Variants in UNC79 observed in about 807,000 individuals in gnomAD.
UNC79 encodes the protein protein unc-79 homolog.
In UNC79, 37 loss-of-function variants were observed where a neutral mutation model predicts 283.1. The ratio of observed to expected loss-of-function variants is 0.13; its 90% confidence interval spans 0.10 to 0.17. The LOEUF is 0.17. UNC79 is among the 10% of genes least tolerant of loss of function. The pLI, the probability that UNC79 is intolerant of heterozygous loss-of-function variation, is 1.00. For synonymous variants in UNC79, 1,107 were observed against 1,200.2 expected (o/e 0.92, Z 1.61); for missense variants, 2,272 against 3,211.1 (o/e 0.71, Z 7.07).
intron 11 of UNC79, among the ~76,000 whole-genome samples, chr14:93,535,231 G>C (rs958039279): frequency 3.3e-5 from 5 of 152,236 alleles, no homozygotes; most frequent in African/African-American, 4.8e-5. Context: ...AAATGAATGA[G>C]CTGAATCCAC....
chr14:93,545,763 A>G (rs1338366823), intron 14 of UNC79, among the ~76,000 whole-genome samples: 3 of 152,198 alleles, frequency 2.0e-5, no homozygotes, highest in Non-Finnish European at 4.4e-5. Context: ...CACAAACAAC[A>G]TCGATTCACG....
At chr14:93,399,897 G>T (rs887598682) in intron 1 of UNC79, among the ~76,000 whole-genome samples, 15 of 152,230 alleles carry the variant, frequency 9.9e-5, no homozygotes, top group Admixed American at 7.2e-4. Context: ...TGGTTATCTG[G>T]GAAAAGCTTA....
At chr14:93,372,207 G>C (rs973260539) in intron 1 of UNC79, among the ~76,000 whole-genome samples, 4 of 152,012 alleles carry the variant, frequency 2.6e-5, no homozygotes, top group Non-Finnish European at 4.4e-5. Flanking sequence ...CAAAATAATA[G>C]CAACAATGTA....
chr14:93,481,208 T>C (rs1451973300), intron 4 of UNC79, among the ~76,000 whole-genome samples: 1 of 152,188 alleles, frequency 6.6e-6, no homozygotes, highest in Non-Finnish European at 1.5e-5. Flanking sequence ...TCTTTTTAAC[T>C]CCTTCCATAA....
rs529075383 is a variant in UNC79 at position 93,686,389 on chromosome 14, C to G, written c.6820-183C>G. Among the ~76,000 whole-genome samples, 148 of 152,172 alleles carry G rather than the reference C, an allele frequency of 9.7e-4. 3 individuals carry two copies. The highest frequency in any genetic ancestry group is 3.8e-4 in the Non-Finnish European group (26 of 67,996). ...TGTTTCTTTGTTCTCTGCCACAAAC[C>G]TTCTATCAATTTTTGTCCAAATGCT... On this transcript the variant is annotated intron_variant, in intron 42 of 48. Transcript: ENST00000555664.
At chr14:93,356,514 T>A (rs2054089498) in intron 1 of UNC79, among the ~76,000 whole-genome samples, 2 of 152,258 alleles carry the variant, frequency 1.3e-5, no homozygotes, top group Admixed American at 6.5e-5. Context: ...AATTGCCGAA[T>A]GCAGGGCTCT....
At chr14:93,423,062 C>CAAAAAAAA (rs71129634) in intron 1 of UNC79, among the ~76,000 whole-genome samples, 211 of 77,290 alleles carry the variant, frequency 2.7e-3, no homozygotes, top group Non-Finnish European at 3.2e-3. Context: ...GACTCTGTCT[C>CAAAAAAAA]AAAAAAAAAA....
At chr14:93,434,000 G>T (rs2055982389) in intron 1 of UNC79, among the ~76,000 whole-genome samples, 1 of 152,162 alleles carries the variant, frequency 6.6e-6, no homozygotes, top group East Asian at 1.9e-4. Context: ...GATCACCTGG[G>T]GTCGGGAGTT....
intron 35 of UNC79, among the ~76,000 whole-genome samples, chr14:93,649,209 A>G (rs1462560242): frequency 1.3e-5 from 2 of 152,128 alleles, no homozygotes; most frequent in African/African-American, 4.8e-5. Context: ...ACATAAGATG[A>G]TATTATTGTT....
In UNC79 at chr14:93,467,664, T is replaced by TTTTTTTTTTTTTCA; in HGVS notation, c.23-7_23-6insTTTTTTTTTTTTCA. On this transcript the variant is annotated splice_region_variant and splice_polypyrimidine_tract_variant and intron_variant, in intron 1 of 48. Coordinates refer to ENST00000555664, the Ensembl canonical transcript of UNC79. ...TTTTTTTTTTTTTTTTTTTTGCTTT[T>TTTTTTTTTTTTTCA]ATCTAGTTGCTTCCAAGATCCGGTA... The TTTTTTTTTTTTTCA allele has an allele frequency of 8.2e-7, 1 of 1,224,142 alleles. No individual in the cohort carries two copies. The highest frequency in any genetic ancestry group is 1.0e-6 in the Non-Finnish European group (1 of 979,754). The allele number at this position is 1,224,142 out of a possible 1,614,324, so 75.8% of individuals were successfully genotyped here. A position where few individuals can be genotyped will look rare whatever the true frequency, so the allele number is the denominator to read the frequency against.
At chr14:93,456,451 A>G (rs2140192950) in intron 1 of UNC79, among the ~76,000 whole-genome samples, 1 of 152,226 alleles carries the variant, frequency 6.6e-6, no homozygotes, top group East Asian at 1.9e-4. Flanking sequence ...AGTGTCTGCC[A>G]GTGGGGTAGC....
chr14:93,520,828 A>G (rs1246266915), intron 7 of UNC79, among the ~76,000 whole-genome samples: 1 of 151,932 alleles, frequency 6.6e-6, no homozygotes, highest in Non-Finnish European at 1.5e-5. Flanking sequence ...GCCAATGTTT[A>G]TGATAACTAT....
At chr14:93,502,614 G>C (rs1301336995) in intron 7 of UNC79, among the ~76,000 whole-genome samples, 1 of 152,144 alleles carries the variant, frequency 6.6e-6, no homozygotes, top group African/African-American at 2.4e-5. Flanking sequence ...CAATTTTCCT[G>C]TTACAGTGTC....
intron 1 of UNC79, among the ~76,000 whole-genome samples, chr14:93,372,833 G>A (rs926025797): frequency 6.6e-6 from 1 of 152,176 alleles, no homozygotes; most frequent in African/African-American, 2.4e-5. Context: ...GTCATCTATA[G>A]ACTACCTTAT....
At chr14:93,567,964 G>C (rs2062993431) in intron 14 of UNC79, among the ~76,000 whole-genome samples, 1 of 152,220 alleles carries the variant, frequency 6.6e-6, no homozygotes, top group Non-Finnish European at 1.5e-5. Context: ...CCAGATCACA[G>C]GTAGGTGAGA....
intron 14 of UNC79, among the ~76,000 whole-genome samples, chr14:93,549,256 A>G (rs973669932): frequency 8.9e-4 from 136 of 152,334 alleles, no homozygotes; most frequent in African/African-American, 3.1e-3. Context: ...ATAAAACACA[A>G]TTACTGTTGC....
At chr14:93,577,754 A>G in intron 17 of UNC79, 88 bp from the exon 18 acceptor site, 1 of 1,318,016 alleles carries the variant, frequency 7.6e-7, no homozygotes. Context: ...GACAGCTGGA[A>G]ATACCTTCCA....
intron 1 of UNC79, among the ~76,000 whole-genome samples, chr14:93,387,752 C>T (rs2054808273): frequency 6.6e-6 from 1 of 152,136 alleles, no homozygotes; most frequent in South Asian, 2.1e-4. Flanking sequence ...TCTATTAGCT[C>T]CATTTGTTCT....
At chr14:93,658,573 T>C (rs1375188806) in intron 38 of UNC79, among the ~76,000 whole-genome samples, 4 of 152,198 alleles carry the variant, frequency 2.6e-5, no homozygotes, top group African/African-American at 7.2e-5. Flanking sequence ...AAAAGTACAT[T>C]TTGATGTGGA....
Sources: allele counts gnomAD v4.1 joint callset (sites outside exome capture counted in the v4.1 genomes callset), GRCh38; gene constraint gnomAD v4.1.1; transcripts MANE v1.5; gene names NCBI Gene and HGNC (gene_info 2026-07-23, HGNC 2026-07-21).